The following OSBPL9 variants were observed in gnomAD, a reference collection of about 807,000 sequenced individuals.
OSBPL9 encodes oxysterol binding protein like 9, also known as oxysterol-binding protein-related protein 9.
A neutral mutation model predicts 106.6 loss-of-function variants in OSBPL9; 40 were observed. The observed-to-expected ratio is 0.38, with a 90% CI of 0.29 to 0.49. The LOEUF (loss-of-function observed/expected upper bound fraction) is 0.49, where lower values mean the gene tolerates loss of function less well. OSBPL9 is among the 20% of genes least tolerant of loss of function. The pLI is 0.97. For synonymous variants in OSBPL9, 269 were observed against 295.4 expected (o/e 0.91, Z 0.92); for missense variants, 609 against 887.2 (o/e 0.69, Z 3.98).
chr1:51,663,597 C>A (rs967104024), intron 2 of OSBPL9, among the ~76,000 whole-genome samples: 11 of 152,132 alleles, frequency 7.2e-5, no homozygotes, highest in Admixed American at 6.5e-5. Context: ...CTGGGAAAGA[C>A]TTCTTAAAGG....
At position 51,770,963 on chromosome 1, in the gene OSBPL9, T is replaced by C. The variant is rs535724290; in HGVS notation, c.939-1107T>C. Among the ~76,000 whole-genome samples the C allele has an allele frequency of 5.9e-5, 9 of 152,192 alleles. No individual in the cohort carries two copies. In the East Asian group the frequency reaches 1.5e-3, roughly 26 times the overall value. ...GAACCCTAATATAAACTGTAGACTTTGAGTGATAATGATGTGTCAATGTAG... is the reference window on the plus strand; with the variant it reads ...GAACCCTAATATAAACTGTAGACTTCGAGTGATAATGATGTGTCAATGTAG... On this transcript the variant is annotated intron_variant, in intron 12 of 23. Coordinates refer to ENST00000428468, the MANE Select transcript of OSBPL9 (RefSeq NM_024586.6).
chr1:51,588,531 G>C (rs1048541773), intron 1 of OSBPL9, among the ~76,000 whole-genome samples: 1 of 152,076 alleles, frequency 6.6e-6, no homozygotes, highest in African/African-American at 2.4e-5. Context: ...GTGCACCTGT[G>C]ATTTTAACTA....
At chr1:51,685,459 G>A (rs1653570037) in intron 3 of OSBPL9, among the ~76,000 whole-genome samples, 1 of 151,896 alleles carries the variant, frequency 6.6e-6, no homozygotes, top group African/African-American at 2.4e-5. Context: ...TCAGGCTGGA[G>A]TATAGTGGCA....
chr1:51,695,935 T>C (rs949422806), intron 3 of OSBPL9, among the ~76,000 whole-genome samples: 2 of 152,282 alleles, frequency 1.3e-5, no homozygotes, highest in Non-Finnish European at 2.9e-5. Context: ...CAGAGAATCG[T>C]GTCATGTGAA....
At chr1:51,760,510 T>A (rs1294096154) in intron 9 of OSBPL9, 180 bp from the exon 10 acceptor site, 5 of 763,784 alleles carry the variant, frequency 6.5e-6, no homozygotes, top group Non-Finnish European at 9.6e-6. Flanking sequence ...TTCCTTACTA[T>A]GCTTTAAGCA....
intron 3 of OSBPL9, among the ~76,000 whole-genome samples, chr1:51,705,791 A>G (rs1003182391): frequency 4.6e-5 from 7 of 152,160 alleles, no homozygotes; most frequent in Admixed American, 3.9e-4. Context: ...TTAGATGTTG[A>G]TCGATTTTTT....
In OSBPL9 at chr1:51,772,589, A is replaced by T. The variant is rs1183781563; in HGVS notation, c.1052-16A>T. ...CCCAATTTAGCACCATTCTAATAAG[A>T]TCTGCTTTATTTTAGACCTGTTTGA... On this transcript the variant is annotated splice_polypyrimidine_tract_variant and intron_variant, in intron 13 of 23. Coordinates refer to ENST00000428468, the MANE Select transcript of OSBPL9 (RefSeq NM_024586.6). 2.5e-6 allele frequency: 4 copies of T among 1,587,742 alleles called. No individual in the cohort carries two copies. Among genetic ancestry groups the T allele is most frequent in the East Asian group, 4.5e-5 (2 of 44,744 alleles).
At chr1:51,754,010 G>T (rs1406669757) in intron 8 of OSBPL9, among the ~76,000 whole-genome samples, 1 of 152,226 alleles carries the variant, frequency 6.6e-6, no homozygotes, top group Admixed American at 6.5e-5. Context: ...TATCTCAGAA[G>T]ACATCCCTCC....
chr1:51,749,807 G>T (rs1668843964), intron 7 of OSBPL9, among the ~76,000 whole-genome samples: 1 of 151,284 alleles, frequency 6.6e-6, no homozygotes, highest in South Asian at 2.1e-4. Flanking sequence ...TGAGGCTGCA[G>T]TGTGCTATAA....
chr1:51,756,317 A>G lies in OSBPL9; in HGVS notation c.544-3A>G. ...GTTAATATTTTTAACATTTTTCCTT[A>G]AGGACCAGAGTAATGCGGAGAAGCA... On this transcript the variant is annotated splice_polypyrimidine_tract_variant and splice_region_variant and intron_variant, in intron 8 of 23. Transcript: ENST00000428468. 1.2e-6 allele frequency: 2 copies of G among 1,611,934 alleles called. No individual in the cohort carries two copies. The highest frequency in any genetic ancestry group is 1.7e-6 in the Non-Finnish European group (2 of 1,178,386).
chr1:51,697,037 G>A (rs2148841555), intron 3 of OSBPL9, among the ~76,000 whole-genome samples: 1 of 152,120 alleles, frequency 6.6e-6, no homozygotes, highest in South Asian at 2.1e-4. Context: ...GCTTGTGCCT[G>A]TGGTCCTAAC....
chr1:51,649,917 C>T (rs1646409228), intron 1 of OSBPL9, among the ~76,000 whole-genome samples: 1 of 151,928 alleles, frequency 6.6e-6, no homozygotes, highest in South Asian at 2.1e-4. Context: ...CTCTGTCACC[C>T]AGGCTAGAGT....
intron 3 of OSBPL9, among the ~76,000 whole-genome samples, chr1:51,688,995 G>C (rs1162298178): frequency 6.6e-6 from 1 of 152,194 alleles, no homozygotes; most frequent in African/African-American, 2.4e-5. Context: ...GGCAAAGAGT[G>C]AAGCCTTCAG....
intron 3 of OSBPL9, among the ~76,000 whole-genome samples, chr1:51,712,757 G>A (rs745873308): frequency 2.0e-5 from 3 of 152,174 alleles, no homozygotes; most frequent in Non-Finnish European, 4.4e-5. Context: ...GTCTCCAAAA[G>A]TGTCTCCATT....
chr1:51,730,516 T>C (rs1317274678), intron 4 of OSBPL9, among the ~76,000 whole-genome samples: 3 of 152,156 alleles, frequency 2.0e-5, no homozygotes, highest in Non-Finnish European at 4.4e-5. Flanking sequence ...TTTGAGTATG[T>C]GTGTCGGGAA....
Position 51,735,859 on chromosome 1 carries a change from ATG to A in OSBPL9, c.319-9673_319-9672del, listed in dbSNP as rs1665565527. On this transcript the variant is annotated intron_variant, in intron 4 of 23. Coordinates refer to ENST00000428468, the MANE Select transcript of OSBPL9 (RefSeq NM_024586.6). Reference sequence around the variant, plus strand: ...TCTTGTTTTACTACCATTTATTTCAATGTGTTTTTCTCCTAGTTAGTTTCTCT... The same window carrying A: ...TCTTGTTTTACTACCATTTATTTCAATGTTTTTCTCCTAGTTAGTTTCTCT... 3.3e-5 allele frequency among the ~76,000 whole-genome samples: 5 copies of A among 152,326 alleles called. 1 individual carries two copies. The highest frequency in any genetic ancestry group is 1.2e-4 in the African/African-American group (5 of 41,570).
intron 1 of OSBPL9, among the ~76,000 whole-genome samples, chr1:51,577,917 T>C (rs1365498235): frequency 6.6e-6 from 1 of 152,206 alleles, no homozygotes; most frequent in Admixed American, 6.5e-5. Context: ...TTTATATGAC[T>C]TCCCATGAAA....
At chr1:51,774,420 C>T (rs910820153) in intron 14 of OSBPL9, among the ~76,000 whole-genome samples, 1 of 152,130 alleles carries the variant, frequency 6.6e-6, no homozygotes, top group African/African-American at 2.4e-5. Context: ...CCAACAGATT[C>T]TGAAATCTTG....
At chr1:51,544,340 A>G in the OSBPL9 span, among the ~76,000 whole-genome samples, 1 of 152,146 alleles carries the variant, frequency 6.6e-6, no homozygotes, top group Non-Finnish European at 1.5e-5. Context: ...GTAAGACTGA[A>G]TCTCTGAAGG....
Sources: gnomAD v4.1 joint callset for allele counts (sites outside exome capture counted in the v4.1 genomes callset) on GRCh38, gnomAD v4.1.1 for gene constraint, MANE v1.5 for transcripts, NCBI Gene and HGNC (gene_info 2026-07-23, HGNC 2026-07-21) for gene names.